Variants in GPC5 observed in about 807,000 individuals in gnomAD.
GPC5 encodes glypican 5, also known as glypican-5.
A neutral mutation model predicts 53.9 loss-of-function variants in GPC5; 47 were observed. The ratio of observed to expected loss-of-function variants is 0.87; its 90% CI spans 0.69 to 1.11. The LOEUF is 1.11. GPC5 is among the 50% of genes most tolerant of loss of function. The pLI is 0.00. For missense variants in GPC5, 748 were observed against 713.1 expected (o/e 1.05, Z -0.56); for synonymous variants, 286 against 263.3 (o/e 1.09, Z -0.84).
intron 1 of GPC5, among the ~76,000 whole-genome samples, chr13:91,446,757 A>G (rs1880835858): frequency 6.6e-6 from 1 of 152,170 alleles, no homozygotes; most frequent in South Asian, 2.1e-4. Context: ...TAACTTAGGG[A>G]ACACATTTCC....
At chr13:91,827,313 G>A (rs1157418458) in intron 5 of GPC5, among the ~76,000 whole-genome samples, 1 of 151,680 alleles carries the variant, frequency 6.6e-6, no homozygotes, top group Non-Finnish European at 1.5e-5. Context: ...AATAACCAAA[G>A]CATTAAAAAT....
At chr13:92,415,679 A>T (rs977777711) in intron 7 of GPC5, among the ~76,000 whole-genome samples, 1 of 149,810 alleles carries the variant, frequency 6.7e-6, no homozygotes, top group African/African-American at 2.4e-5. Flanking sequence ...CTGGAGGTAA[A>T]AAAAAAAAAA....
chr13:91,526,525 G>T (rs1886093561), intron 2 of GPC5, among the ~76,000 whole-genome samples: 1 of 152,142 alleles, frequency 6.6e-6, no homozygotes, highest in Non-Finnish European at 1.5e-5. Context: ...AATATTTTGA[G>T]CCTAGAACTT....
At chr13:91,983,347 A>G (rs2138720650) in intron 6 of GPC5, among the ~76,000 whole-genome samples, 1 of 151,204 alleles carries the variant, frequency 6.6e-6, no homozygotes, top group African/African-American at 2.4e-5. Context: ...CCCTGTCTCA[A>G]AAAAAAAAGG....
intron 2 of GPC5, among the ~76,000 whole-genome samples, chr13:91,675,116 T>G (rs1208681902): frequency 6.6e-6 from 1 of 151,606 alleles, no homozygotes; most frequent in African/African-American, 2.4e-5. Flanking sequence ...TCTTTCTTCC[T>G]TTCCCTAGGG....
intron 6 of GPC5, among the ~76,000 whole-genome samples, chr13:92,140,834 G>A (rs2041825081): frequency 6.6e-6 from 1 of 152,182 alleles, no homozygotes; most frequent in Non-Finnish European, 1.5e-5. Context: ...ACAGAAAGTG[G>A]TAGAGTTCAT....
intron 2 of GPC5, among the ~76,000 whole-genome samples, chr13:91,590,811 T>C (rs1828283405): frequency 6.6e-6 from 1 of 152,204 alleles, no homozygotes; most frequent in African/African-American, 2.4e-5. Context: ...TGGTATGCCA[T>C]CCTTTATTGT....
At position 92,243,019 on chromosome 13, in the gene GPC5, T is replaced by C. The variant is rs144974147; in HGVS notation, c.1561+98030T>C. 2.7e-3 allele frequency among the ~76,000 whole-genome samples: 414 copies of C among 152,332 alleles called. 2 individuals carry two copies. The highest frequency in any genetic ancestry group is 9.6e-3 in the African/African-American group (400 of 41,584). ...CTTGTTTTCAGTCCAAAGTCTTGAC[T>C]GATAGTTTTCTCTCACATTGTTTGT... On this transcript the variant is annotated intron_variant, in intron 7 of 7. Transcript: ENST00000377067.
chr13:92,542,506 A>G (rs1881964087), intron 7 of GPC5, among the ~76,000 whole-genome samples: 1 of 151,858 alleles, frequency 6.6e-6, no homozygotes, highest in African/African-American at 2.4e-5. Flanking sequence ...CATCTTTGCA[A>G]TTTGGTGGTT....
At chr13:92,374,729 G>A (rs1255263798) in intron 7 of GPC5, among the ~76,000 whole-genome samples, 7 of 148,820 alleles carry the variant, frequency 4.7e-5, no homozygotes, top group African/African-American at 1.7e-4. Flanking sequence ...GGGAGGGATA[G>A]CATTGGGAGA....
At chr13:92,628,867 C>T (rs537172942) in intron 7 of GPC5, among the ~76,000 whole-genome samples, 2 of 152,298 alleles carry the variant, frequency 1.3e-5, no homozygotes, top group South Asian at 4.1e-4. Context: ...TCTATATCAC[C>T]AGAGGGCTTC....
At chr13:91,563,890 G>C (rs573558523) in intron 2 of GPC5, among the ~76,000 whole-genome samples, 1 of 152,004 alleles carries the variant, frequency 6.6e-6, no homozygotes, top group African/African-American at 2.4e-5. Context: ...GAGGACCGGG[G>C]AGGAGGGTCT....
chr13:91,792,134 T>C (rs1282138032), intron 5 of GPC5, among the ~76,000 whole-genome samples: 1 of 152,230 alleles, frequency 6.6e-6, no homozygotes, highest in Non-Finnish European at 1.5e-5. Flanking sequence ...TGCTTTAGTC[T>C]TTCATTATCT....
chr13:91,875,781 T>C (rs912747184), intron 5 of GPC5, among the ~76,000 whole-genome samples: 1 of 152,214 alleles, frequency 6.6e-6, no homozygotes, highest in Non-Finnish European at 1.5e-5. Context: ...AGGAACTCCA[T>C]GTATTTGTCA....
intron 1 of GPC5, among the ~76,000 whole-genome samples, chr13:91,419,921 C>T (rs1353604879): frequency 6.6e-6 from 1 of 152,128 alleles, no homozygotes; most frequent in Non-Finnish European, 1.5e-5. Context: ...GAAATTGTTA[C>T]TGTTAGTTAT....
intron 7 of GPC5, among the ~76,000 whole-genome samples, chr13:92,387,323 A>G (rs1178875882): frequency 6.6e-6 from 1 of 152,104 alleles, no homozygotes; most frequent in Non-Finnish European, 1.5e-5. Context: ...CACGTTTACC[A>G]TATTCTAGGC....
intron 7 of GPC5, among the ~76,000 whole-genome samples, chr13:92,316,329 A>G (rs542025375): frequency 2.2e-4 from 34 of 152,316 alleles, no homozygotes; most frequent in African/African-American, 7.7e-4. Context: ...CTCAAAAATT[A>G]GGAGGAAGGT....
chr13:91,648,986 G>T (rs1167620850), intron 2 of GPC5, among the ~76,000 whole-genome samples: 1 of 152,138 alleles, frequency 6.6e-6, no homozygotes, highest in Non-Finnish European at 1.5e-5. Context: ...CCCAGTGGGA[G>T]GTAATCAAAT....
Position 91,635,461 on chromosome 13 carries a change from A to G in GPC5, c.326-57726A>G, listed in dbSNP as rs1021421772. ...AAATATGAATGTGCTGGTTCATTTT[A>G]TAGATACAGTATATTATTTTTAAAC... On this transcript the variant is annotated intron_variant, in intron 2 of 7. Transcript: ENST00000377067. Among the ~76,000 whole-genome samples, 10 of 152,104 alleles carry G rather than the reference A, an allele frequency of 6.6e-5. No homozygotes were observed. The East Asian group carries it at 1.9e-3, about 29-fold the overall frequency.
Sources: gnomAD v4.1 joint callset for allele counts (sites outside exome capture counted in the v4.1 genomes callset) on GRCh38, gnomAD v4.1.1 for gene constraint, MANE v1.5 for transcripts, NCBI Gene and HGNC (gene_info 2026-07-23, HGNC 2026-07-21) for gene names.